The following KIAA1671 variants were observed in gnomAD, a reference collection of about 807,000 sequenced individuals.
KIAA1671 encodes uncharacterized protein KIAA1671.
A neutral mutation model predicts 131.2 loss-of-function variants in KIAA1671; 52 were observed. That is an observed-to-expected ratio of 0.40 (90% CI 0.32 to 0.50). KIAA1671 has a LOEUF of 0.50. KIAA1671 is among the 20% of genes least tolerant of loss of function. The probability of loss-of-function intolerance (pLI) is 0.73; values close to 1 mark genes in which losing one functional copy is unlikely to be tolerated. For missense variants in KIAA1671, 2,360 were observed against 2,364.2 expected (o/e 1.00, Z 0.04); for synonymous variants, 1,003 against 961.6 (o/e 1.04, Z -0.80).
chr22:25,045,397 C>T (rs940188276), intron 5 of KIAA1671, among the ~76,000 whole-genome samples: 1 of 152,178 alleles, frequency 6.6e-6, no homozygotes, highest in Admixed American at 6.5e-5. Flanking sequence ...GCCAAGCATG[C>T]TGCCCAACAT....
chr22:25,142,178 G>A (rs1932815876), intron 6 of KIAA1671, among the ~76,000 whole-genome samples: 1 of 152,126 alleles, frequency 6.6e-6, no homozygotes, highest in African/African-American at 2.4e-5. Flanking sequence ...CTAGGGGTTG[G>A]GGGCACTGTG....
At chr22:25,014,374 C>T (rs983282188) in intron 1 of KIAA1671, 18 of 151,980 alleles carry the variant, frequency 1.2e-4, no homozygotes, top group Admixed American at 3.9e-4. Flanking sequence ...GAAATGTCAA[C>T]GTTGTTGTAC....
intron 1 of KIAA1671, among the ~76,000 whole-genome samples, chr22:25,005,023 G>A (rs1035210392): frequency 6.6e-6 from 1 of 151,414 alleles, no homozygotes; most frequent in Non-Finnish European, 1.5e-5. Context: ...AATCCTGAAT[G>A]AATTCCTTGT....
intron 6 of KIAA1671, chr22:25,112,367 C>T (rs1931408468): frequency 5.0e-6 from 2 of 399,002 alleles, no homozygotes; most frequent in Admixed American, 4.4e-5. Flanking sequence ...CCTGGCTTCC[C>T]GGAGTCGGGA....
chr22:25,016,319 A>T (rs1263949481), intron 1 of KIAA1671, among the ~76,000 whole-genome samples: 1 of 152,166 alleles, frequency 6.6e-6, no homozygotes, highest in Non-Finnish European at 1.5e-5. Context: ...GTGCCCAGCC[A>T]AGAATCACAG....
chr22:25,046,825 C>T (rs934634960), intron 5 of KIAA1671, among the ~76,000 whole-genome samples: 3 of 152,168 alleles, frequency 2.0e-5, no homozygotes, highest in Admixed American at 1.3e-4. Context: ...GACTGGGCCT[C>T]TCTCCAGGCC....
At chr22:25,102,074 C>G (rs1415240041) in intron 6 of KIAA1671, among the ~76,000 whole-genome samples, 1 of 152,180 alleles carries the variant, frequency 6.6e-6, no homozygotes, top group East Asian at 1.9e-4. Context: ...CCAGAGGGAA[C>G]AGCATATGCA....
chr22:24,999,611 G>A (rs1924325389), intron 1 of KIAA1671, among the ~76,000 whole-genome samples: 1 of 151,388 alleles, frequency 6.6e-6, no homozygotes, highest in Non-Finnish European at 1.5e-5. Flanking sequence ...TGCCTAGGCT[G>A]GAGTGCAGTG....
intron 1 of KIAA1671, among the ~76,000 whole-genome samples, chr22:24,984,112 G>A (rs1569198266): frequency 6.6e-6 from 1 of 152,116 alleles, no homozygotes. Context: ...CCTCTCAGGG[G>A]CTTAAGCAGG....
intron 1 of KIAA1671, among the ~76,000 whole-genome samples, chr22:24,984,739 C>A (rs1923422950): frequency 6.6e-6 from 1 of 151,786 alleles, no homozygotes; most frequent in African/African-American, 2.4e-5. Context: ...TGGTGAAACC[C>A]CATCTCTACT....
In KIAA1671 at chr22:25,042,667, G is replaced by A. The variant is rs1000124650; in HGVS notation, c.4395+1142G>A. On this transcript the variant is annotated intron_variant, in intron 5 of 12. Transcript: ENST00000358431. The stretch of plus-strand genomic sequence containing the variant: ...ATTTTTTTTTTTTAGTAGAGACGGG[G>A]TTTCACTATTTTGGCCAGGCCGGTC... 7.9e-5 allele frequency among the ~76,000 whole-genome samples: 12 copies of A among 151,746 alleles called. No individual in the cohort carries two copies. In the South Asian group the frequency reaches 2.3e-3, roughly 29 times the overall value.
At chr22:24,954,877 T>C (rs1207636389) in intron 1 of KIAA1671, among the ~76,000 whole-genome samples, 1 of 151,850 alleles carries the variant, frequency 6.6e-6, no homozygotes, top group Non-Finnish European at 1.5e-5. Context: ...GCCTCCCGGG[T>C]TCAAGCAATT....
intron 1 of KIAA1671, among the ~76,000 whole-genome samples, chr22:24,998,717 CAAAAA>C (rs34109303): frequency 1.3e-5 from 1 of 76,170 alleles, no homozygotes; most frequent in Non-Finnish European, 2.7e-5. Flanking sequence ...GACTCTGTCT[CAAAAA>C]AAAAAAAAAA....
At chr22:25,137,515 T>TA (rs1203388334) in intron 6 of KIAA1671, among the ~76,000 whole-genome samples, 1 of 152,252 alleles carries the variant, frequency 6.6e-6, no homozygotes, top group Non-Finnish European at 1.5e-5. Context: ...TAATTGATGT[T>TA]AAAAAACAGG....
chr22:25,091,453 C>T (rs1178525821), intron 6 of KIAA1671, among the ~76,000 whole-genome samples: 1 of 152,146 alleles, frequency 6.6e-6, no homozygotes, highest in Non-Finnish European at 1.5e-5. Flanking sequence ...ATTGAACTCA[C>T]GCTGCCAAAA....
At position 25,143,048 on chromosome 22, in the gene KIAA1671, A is replaced by G. The variant is rs74489086; in HGVS notation, c.4531-27772A>G. On this transcript the variant is annotated intron_variant, in intron 6 of 12. Transcript: ENST00000358431. ...CACCTGGGCTTCTAAACAAAGGCTGATGAGGGGCTGTGATCTTTTCACAAG... is the reference window on the plus strand; with the variant it reads ...CACCTGGGCTTCTAAACAAAGGCTGGTGAGGGGCTGTGATCTTTTCACAAG... 7.9e-3 allele frequency among the ~76,000 whole-genome samples: 1,205 copies of G among 152,286 alleles called. 23 individuals are homozygous for G. The highest frequency in any genetic ancestry group is 0.028 in the African/African-American group (1,159 of 41,556).
At chr22:25,033,585 T>TTTTG (rs1926417855) in intron 4 of KIAA1671, among the ~76,000 whole-genome samples, 2 of 125,584 alleles carry the variant, frequency 1.6e-5, no homozygotes, top group Non-Finnish European at 3.4e-5. Context: ...TTTTTTTTTT[T>TTTTG]TTTTTTTTTT....
At chr22:25,134,303 C>G (rs1390588712) in intron 6 of KIAA1671, among the ~76,000 whole-genome samples, 1 of 152,146 alleles carries the variant, frequency 6.6e-6, no homozygotes, top group Non-Finnish European at 1.5e-5. Flanking sequence ...GTTTGGCTGG[C>G]AGGCAATTCA....
At chr22:25,159,031 C>T (rs1199087606) in intron 6 of KIAA1671, among the ~76,000 whole-genome samples, 1 of 152,170 alleles carries the variant, frequency 6.6e-6, no homozygotes. Flanking sequence ...CTACCTCTGA[C>T]ACCCACAGCG....
Sources: gnomAD v4.1 joint callset for allele counts (sites outside exome capture counted in the v4.1 genomes callset) on GRCh38, gnomAD v4.1.1 for gene constraint, MANE v1.5 for transcripts, NCBI Gene and HGNC (gene_info 2026-07-23, HGNC 2026-07-21) for gene names.